Variants in SLC18A1 observed in about 807,000 individuals in gnomAD.
SLC18A1 encodes the protein solute carrier family 18 member A1.
SLC18A1 carries 69 observed loss-of-function variants against 53.7 expected under a neutral mutation model. That is an observed-to-expected ratio of 1.28 (90% CI 1.06 to 1.57). The LOEUF (loss-of-function observed/expected upper bound fraction) is 1.57. SLC18A1 is among the 40% of genes most tolerant of loss of function. SLC18A1 has a pLI of 0.00. For missense variants in SLC18A1, 932 were observed against 668.1 expected (o/e 1.40, Z -4.35); for synonymous variants, 320 against 248.1 (o/e 1.29, Z -2.72).
At position 20,147,389 on chromosome 8, in the gene SLC18A1, G is replaced by A; in HGVS notation, c.1333C>T (p.Pro445Ser). The change falls in exon 15 of 16, where the codon CCA becomes TCA. Residue 445 changes from proline to serine, a missense_variant and splice_region_variant. By Grantham distance (74) the Pro-to-Ser change is moderately conservative (BLOSUM62 -1). Transcript: ENST00000276373. Reference sequence around the variant, plus strand: ...TTTACAATGGCACCACCGGTGGATGGACCTGGGAGGGATACATCAAAGTCA... The same window carrying A: ...TTTACAATGGCACCACCGGTGGATGAACCTGGGAGGGATACATCAAAGTCA... The part of the protein sequence containing the change: ...VAFCMGFAIG[P>S]STGGAIVKAI... 1 of 1,606,392 alleles carries A rather than the reference G, an allele frequency of 6.2e-7. No homozygotes were observed.
Position 20,179,734 on chromosome 8 carries a change from T to C in SLC18A1, c.125-250A>G, listed in dbSNP as rs1033250343. Among the ~76,000 whole-genome samples, 6 of 152,356 alleles carry C rather than the reference T, an allele frequency of 3.9e-5. No individual in the cohort carries two copies. The East Asian group carries it at 1.2e-3, about 29-fold the overall frequency. On this transcript the variant is annotated intron_variant, in intron 2 of 15. Transcript: ENST00000276373. The stretch of plus-strand genomic sequence containing the variant: ...TAAAAGACTGTGCCTGCCCAAGTTA[T>C]CCTATTAGCTAAAGTAGCTAAATTC...
At chr8:20,163,167 C>G (rs1437414416) in intron 10 of SLC18A1, among the ~76,000 whole-genome samples, 1 of 152,064 alleles carries the variant, frequency 6.6e-6, no homozygotes, top group Non-Finnish European at 1.5e-5. Flanking sequence ...CAAAGGGGGT[C>G]ACATGGAGAG....
chr8:20,157,610 T>C (rs1318476452), intron 10 of SLC18A1, among the ~76,000 whole-genome samples: 1 of 152,220 alleles, frequency 6.6e-6, no homozygotes, highest in Non-Finnish European at 1.5e-5. Context: ...TGAGGAAGCA[T>C]ACCTCTCTGT....
Position 20,147,616 on chromosome 8 carries a change from C to G in SLC18A1, c.1317G>C (p.Met439Ile). The G allele has an allele frequency of 6.2e-7, 1 of 1,614,116 alleles. No individual in the cohort carries two copies. Among genetic ancestry groups the G allele is most frequent in the Non-Finnish European group, 8.5e-7 (1 of 1,180,008 alleles). The change falls in exon 14 of 16, where the codon ATG (methionine) becomes ATC (isoleucine). Residue 439 changes from methionine (M) to isoleucine (I), a missense_variant. Met to Ile is a conservative substitution (Grantham distance 10, BLOSUM62 1). Coordinates refer to ENST00000276373, the MANE Select transcript of SLC18A1 (RefSeq NM_003053.4). ...VYAIADVAFC[M>I]GFAIGPSTGG... ...CTGCCAACATACCTATAGCAAAGCCCATGCAAAAAGCCACATCAGCGATGG... is the reference window on the plus strand; with the variant it reads ...CTGCCAACATACCTATAGCAAAGCCGATGCAAAAAGCCACATCAGCGATGG...
At chr8:20,181,639 A>G (rs1212060956) in intron 1 of SLC18A1, 2 of 152,202 alleles carry the variant, frequency 1.3e-5, no homozygotes, top group Non-Finnish European at 2.9e-5. Context: ...AAGTTATTTT[A>G]TGTGGCATGC....
At chr8:20,170,907 C>A (rs1329930914) in intron 8 of SLC18A1, among the ~76,000 whole-genome samples, 196 bp downstream of exon 8, 1 of 152,150 alleles carries the variant, frequency 6.6e-6, no homozygotes, top group East Asian at 1.9e-4. Flanking sequence ...CCATCTTTGT[C>A]CAACATCAAG....
intron 4 of SLC18A1, 71 bp from the exon 5 acceptor site, chr8:20,174,515 T>C (rs2072209191): frequency 2.1e-6 from 2 of 954,348 alleles, no homozygotes; most frequent in Non-Finnish European, 3.4e-6. Context: ...CCAGAGAACA[T>C]GCCCGTGATA....
In SLC18A1 at chr8:20,147,682, C is replaced by T. The variant is rs2071436411; in HGVS notation, c.1251G>A (p.Leu417=). The T allele has an allele frequency of 1.2e-6, 2 of 1,613,726 alleles. No homozygotes were observed. Among genetic ancestry groups the T allele is most frequent in the African/African-American group, 1.3e-5 (1 of 74,898 alleles). The part of the protein sequence containing the change: ...DSSMMPIMGH[L]VDLRHTSVYG... ...ACACCGAGGTGTGGCGTAGATCCACCAGGTGCCCCATGATGGGCATCATAG... is the reference window on the plus strand; with the variant it reads ...ACACCGAGGTGTGGCGTAGATCCACTAGGTGCCCCATGATGGGCATCATAG... Residue 417 remains leucine (L), a synonymous_variant, in exon 14 of 16, where the codon CTG becomes CTA. Coordinates refer to ENST00000276373, the MANE Select transcript of SLC18A1 (RefSeq NM_003053.4).
chr8:20,180,752 T>A (rs1456473960), intron 2 of SLC18A1, 89 bp downstream of exon 2: 5 of 1,512,562 alleles, frequency 3.3e-6, no homozygotes, highest in Non-Finnish European at 4.5e-6. Flanking sequence ...AATTCTCAGA[T>A]GGATTCACTG....
In SLC18A1 at chr8:20,181,014, T is replaced by G; in HGVS notation, c.-50A>C. 1 of 1,539,884 alleles carries G rather than the reference T, an allele frequency of 6.5e-7. No homozygotes were observed. Among genetic ancestry groups the G allele is most frequent in the Non-Finnish European group, 8.8e-7 (1 of 1,140,166 alleles). Reference sequence around the variant, plus strand: ...TTCCCCTGCGGGCTCTTAGGGAAGGTCCTGTGACAGCTACAGGTCTCCTGC... The same window carrying G: ...TTCCCCTGCGGGCTCTTAGGGAAGGGCCTGTGACAGCTACAGGTCTCCTGC... On this transcript the variant is annotated 5_prime_UTR_variant, in exon 2 of 16. Transcript: ENST00000276373.
intron 10 of SLC18A1, among the ~76,000 whole-genome samples, chr8:20,154,954 G>A (rs1427165942): frequency 6.6e-6 from 1 of 152,126 alleles, no homozygotes; most frequent in African/African-American, 2.4e-5. Flanking sequence ...CTCCTGATTG[G>A]GCTAAAAGCT....
At chr8:20,179,515 C>T (rs746734927) in intron 2 of SLC18A1, 31 bp from the exon 3 acceptor site, 6 of 1,580,894 alleles carry the variant, frequency 3.8e-6, no homozygotes, top group South Asian at 1.2e-5. Flanking sequence ...GTGATGGGGG[C>T]TAAGGACCGA....
At chr8:20,150,058 C>T (rs978968904) in intron 11 of SLC18A1, among the ~76,000 whole-genome samples, 1 of 152,226 alleles carries the variant, frequency 6.6e-6, no homozygotes, top group African/African-American at 2.4e-5. Flanking sequence ...TGTTGCCCAG[C>T]TCAGACTGCC....
At chr8:20,178,631 A>G in intron 3 of SLC18A1, 138 bp from the exon 4 acceptor site, 2 of 663,516 alleles carry the variant, frequency 3.0e-6, no homozygotes, top group Non-Finnish European at 5.3e-6. Context: ...TGTAGTGTGG[A>G]GATGAAATAG....
At chr8:20,165,852 G>A (rs2071944832) in intron 8 of SLC18A1, among the ~76,000 whole-genome samples, 1 of 152,082 alleles carries the variant, frequency 6.6e-6, no homozygotes, top group Non-Finnish European at 1.5e-5. Context: ...AGTAGCTGGG[G>A]CTTCTCTCTC....
intron 10 of SLC18A1, among the ~76,000 whole-genome samples, chr8:20,152,292 C>T (rs1249174528): frequency 6.6e-6 from 1 of 152,118 alleles, no homozygotes; most frequent in African/African-American, 2.4e-5. Context: ...GCAATGGAAG[C>T]TTTGGAAGGA....
At chr8:20,163,465 A>G (rs1201948699) in intron 10 of SLC18A1, among the ~76,000 whole-genome samples, 1 of 152,076 alleles carries the variant, frequency 6.6e-6, no homozygotes, top group Non-Finnish European at 1.5e-5. Context: ...GACCTGGGCT[A>G]TTTCCTCCCC....
intron 10 of SLC18A1, among the ~76,000 whole-genome samples, chr8:20,159,209 G>A (rs1427329062): frequency 6.6e-6 from 1 of 152,086 alleles, no homozygotes; most frequent in Non-Finnish European, 1.5e-5. Context: ...TCAACTGCAT[G>A]ACCCCTACTA....
intron 10 of SLC18A1, among the ~76,000 whole-genome samples, chr8:20,155,065 A>C (rs13264769): frequency 0.22 from 32,775 of 152,068 alleles, 3,751 homozygotes; most frequent in South Asian, 0.24. Context: ...ACGGCTTCTA[A>C]TAGAGCTATA....
Sources: gnomAD v4.1 joint callset for allele counts (sites outside exome capture counted in the v4.1 genomes callset) on GRCh38, gnomAD v4.1.1 for gene constraint, MANE v1.5 for transcripts, NCBI Gene and HGNC (gene_info 2026-07-23, HGNC 2026-07-21) for gene names.